OSMR: variants seen among roughly 807,000 people sequenced by gnomAD.
OSMR encodes the protein oncostatin-M-specific receptor subunit beta.
A neutral mutation model predicts 99.9 loss-of-function variants in OSMR; 81 were observed. The observed-to-expected ratio is 0.81, with a 90% CI of 0.68 to 0.97. The LOEUF (loss-of-function observed/expected upper bound fraction) is 0.97. OSMR is among the 50% of genes least tolerant of loss of function. The pLI is 0.00. For missense variants in OSMR, 1,099 were observed against 1,153.4 expected, an observed-to-expected ratio of 0.95 and a Z score of 0.68; for synonymous variants, 406 against 410.4, an observed-to-expected ratio of 0.99 and a Z score of 0.13.
At chr5:38,883,778 G>A in intron 4 of OSMR, 49 bp from the exon 5 acceptor site, 2 of 1,611,408 alleles carry the variant, frequency 1.2e-6, no homozygotes. Context: ...GTTTTAAGAG[G>A]CTTGAATTTT....
rs772059309 is a variant in OSMR, at chr5:38,933,188, A to C, written c.2684A>C (p.Lys895Thr). Residue 895 changes from lysine to threonine, a missense_variant, in exon 18 of 18, where the codon AAG becomes ACG. Coordinates refer to ENST00000274276, the MANE Select transcript of OSMR (RefSeq NM_003999.3). ...ATGACCTCACCTGAAAATGTACTAA[A>C]GGCACTAGAAAAAAACTACATGAAC... ...GLMTSPENVL[K>T]ALEKNYMNSL... 1 of 1,614,076 alleles carries C rather than the reference A, an allele frequency of 6.2e-7. No individual in the cohort carries two copies. The highest frequency in any genetic ancestry group is 8.5e-7 in the Non-Finnish European group (1 of 1,180,040).
At chr5:38,848,505 A>T (rs1406893198) in intron 1 of OSMR, among the ~76,000 whole-genome samples, 1 of 152,202 alleles carries the variant, frequency 6.6e-6, no homozygotes, top group Non-Finnish European at 1.5e-5. Context: ...ATAACAACTC[A>T]TTCTCACTCA....
exon 2 of OSMR, chr5:38,944,204 T>C (rs2112799442): frequency 1.7e-6 from 1 of 579,904 alleles, no homozygotes; most frequent in East Asian, 3.8e-5. Context: ...TTTGCAGATC[T>C]CTTCAAAAGT....
At chr5:38,921,531 T>A in intron 11 of OSMR, 84 bp from the exon 12 acceptor site, 1 of 1,601,094 alleles carries the variant, frequency 6.2e-7, no homozygotes. Flanking sequence ...ACAGTGCATG[T>A]ATGTATTTAC....
intron 2 of OSMR, among the ~76,000 whole-genome samples, chr5:38,873,315 A>C (rs1456892295): frequency 7.2e-5 from 11 of 152,230 alleles, no homozygotes; most frequent in Non-Finnish European, 1.5e-5. Context: ...TGTATACCAC[A>C]GTTTGTTCAT....
intron 7 of OSMR, among the ~76,000 whole-genome samples, chr5:38,899,425 G>T (rs1744749014): frequency 6.6e-6 from 1 of 152,126 alleles, no homozygotes; most frequent in Admixed American, 6.5e-5. Flanking sequence ...CTCTACCCCT[G>T]TCTCCAAGTT....
intron 9 of OSMR, among the ~76,000 whole-genome samples, chr5:38,907,789 C>T (rs1315656132): frequency 6.6e-6 from 1 of 152,222 alleles, no homozygotes; most frequent in African/African-American, 2.4e-5. Flanking sequence ...TGCCACCTTG[C>T]CAGTATGCAC....
At chr5:38,883,729 A>G in intron 4 of OSMR, 98 bp from the exon 5 acceptor site, 2 of 1,599,164 alleles carry the variant, frequency 1.3e-6, no homozygotes, top group Non-Finnish European at 1.7e-6. Flanking sequence ...AGGAGGTAGA[A>G]AAAGCTAAAG....
chr5:38,875,178 G>T (rs1259635698), intron 2 of OSMR, among the ~76,000 whole-genome samples: 1 of 152,200 alleles, frequency 6.6e-6, no homozygotes, highest in Non-Finnish European at 1.5e-5. Flanking sequence ...TTTTATCGAT[G>T]CAGGCTTTAT....
intron 1 of OSMR, among the ~76,000 whole-genome samples, chr5:38,852,811 A>G (rs1269000510): frequency 7.4e-6 from 1 of 135,478 alleles, no homozygotes; most frequent in African/African-American, 2.8e-5. Context: ...GCTCACTGCA[A>G]GCTCCGCCTC....
chr5:38,891,314 A>C (rs569466202), intron 7 of OSMR, among the ~76,000 whole-genome samples: 2 of 152,328 alleles, frequency 1.3e-5, no homozygotes, highest in Non-Finnish European at 2.9e-5. Context: ...GAAGGATGCA[A>C]GGTCCTTTCT....
chr5:38,891,365 G>A (rs559535700), intron 7 of OSMR, among the ~76,000 whole-genome samples: 2 of 152,196 alleles, frequency 1.3e-5, no homozygotes, highest in African/African-American at 2.4e-5. Flanking sequence ...CTGACTAGAC[G>A]CAGCTAGTGT....
intron 7 of OSMR, among the ~76,000 whole-genome samples, chr5:38,887,750 A>T (rs1211044672): frequency 2.6e-5 from 4 of 152,134 alleles, no homozygotes; most frequent in Admixed American, 2.6e-4. Flanking sequence ...TGGGATTTGC[A>T]CTTAATCTAT....
intron 1 of OSMR, among the ~76,000 whole-genome samples, chr5:38,860,387 T>G (rs1741191219): frequency 6.6e-6 from 1 of 152,246 alleles, no homozygotes; most frequent in Non-Finnish European, 1.5e-5. Flanking sequence ...TTGCATAGGT[T>G]GAACCATCCC....
At chr5:38,899,117 G>A (rs1331675269) in intron 7 of OSMR, among the ~76,000 whole-genome samples, 4 of 151,806 alleles carry the variant, frequency 2.6e-5, no homozygotes, top group African/African-American at 7.3e-5. Context: ...CTGCCACCAC[G>A]CCTGGCTAAA....
At chr5:38,897,715 G>A (rs1744608778) in intron 7 of OSMR, among the ~76,000 whole-genome samples, 1 of 151,922 alleles carries the variant, frequency 6.6e-6, no homozygotes, top group South Asian at 2.1e-4. Context: ...ATTAGGTTGT[G>A]TATTTGAAGT....
chr5:38,866,416 G>C (rs1741948981), intron 1 of OSMR, among the ~76,000 whole-genome samples: 2 of 152,154 alleles, frequency 1.3e-5, no homozygotes. Context: ...GTCAGTGACA[G>C]TGACCCCAAG....
At chr5:38,892,327 TTC>T (rs1744215100) in intron 7 of OSMR, among the ~76,000 whole-genome samples, 1 of 151,846 alleles carries the variant, frequency 6.6e-6, no homozygotes, top group Non-Finnish European at 1.5e-5. Context: ...CATCTAAGTG[TTC>T]TGCCTGCCCC....
At position 38,915,825 on chromosome 5, in the gene OSMR, A is replaced by G. The variant is rs3828650; in HGVS notation, c.1286-1721A>G. ...ACGTTCACAAAATGTGATTGAGTAGAGAGATAAAGATGTTTTTTATGTCTG... is the reference window on the plus strand; with the variant it reads ...ACGTTCACAAAATGTGATTGAGTAGGGAGATAAAGATGTTTTTTATGTCTG... On this transcript the variant is annotated intron_variant, in intron 9 of 17. Coordinates refer to ENST00000274276, the MANE Select transcript of OSMR (RefSeq NM_003999.3). Among the ~76,000 whole-genome samples the G allele has an allele frequency of 0.028, 4,292 of 152,318 alleles. 394 individuals are homozygous for G. The East Asian group carries it at 0.36, about 13-fold the overall frequency.
Sources: gnomAD v4.1 joint callset for allele counts (sites outside exome capture counted in the v4.1 genomes callset) on GRCh38, gnomAD v4.1.1 for gene constraint, MANE v1.5 for transcripts, NCBI Gene and HGNC (gene_info 2026-07-23, HGNC 2026-07-21) for gene names.